CENPW: variants seen among roughly 807,000 people sequenced by gnomAD.
CENPW encodes the protein centromere protein W, also known as cancer-up-regulated gene 2 protein.
In CENPW, 3 loss-of-function variants were observed where a neutral mutation model predicts 11.1. That is an observed-to-expected ratio of 0.27 (90% CI 0.12 to 0.70). The LOEUF (loss-of-function observed/expected upper bound fraction) is 0.70, where lower values mean the gene tolerates loss of function less well. CENPW is among the 30% of genes least tolerant of loss of function. The pLI, the probability that CENPW is intolerant of heterozygous loss-of-function variation, is 0.77. For missense variants in CENPW, 100 were observed against 105.6 expected (o/e 0.95, Z 0.23); for synonymous variants, 38 against 42.0 (o/e 0.91, Z 0.37).
chr6:126,447,069 G>A, the CENPW span, among the ~76,000 whole-genome samples: 1 of 151,050 alleles, frequency 6.6e-6, no homozygotes, highest in Non-Finnish European at 1.5e-5. Context: ...TAGGGGGATG[G>A]GATGTGGAGT....
At chr6:126,420,547 C>A in the CENPW span, among the ~76,000 whole-genome samples, 1 of 152,084 alleles carries the variant, frequency 6.6e-6, no homozygotes, top group East Asian at 1.9e-4. Flanking sequence ...TGGCATGGCT[C>A]CCCAAGTTTA....
At chr6:126,467,590 T>C in the CENPW span, among the ~76,000 whole-genome samples, 1 of 152,016 alleles carries the variant, frequency 6.6e-6, no homozygotes, top group African/African-American at 2.4e-5. Flanking sequence ...ATAATGTAAA[T>C]GTAAATTAAA....
downstream of CENPW, among the ~76,000 whole-genome samples, chr6:126,353,426 T>G (rs982444741): frequency 1.3e-5 from 2 of 152,106 alleles, no homozygotes; most frequent in Admixed American, 6.6e-5. Context: ...TCTTCAGGCT[T>G]CTCTCATATT....
the CENPW span, among the ~76,000 whole-genome samples, chr6:126,372,168 G>A: frequency 1.3e-5 from 2 of 152,080 alleles, no homozygotes; most frequent in East Asian, 1.9e-4. Flanking sequence ...TCCTTGAGAT[G>A]TGACCTTAAA....
chr6:126,435,388 T>C, the CENPW span, among the ~76,000 whole-genome samples: 1 of 151,950 alleles, frequency 6.6e-6, no homozygotes, highest in Non-Finnish European at 1.5e-5. Context: ...TACTTTTTTC[T>C]ATTAAAAGGT....
the CENPW span, among the ~76,000 whole-genome samples, chr6:126,458,890 G>T: frequency 5.3e-5 from 8 of 151,332 alleles, no homozygotes; most frequent in Admixed American, 2.6e-4. Context: ...ATCCCTTTTG[G>T]TCTGTGTAGG....
the CENPW span, among the ~76,000 whole-genome samples, chr6:126,427,157 G>A: frequency 5.0e-4 from 76 of 152,266 alleles, no homozygotes; most frequent in Non-Finnish European, 9.7e-4. Flanking sequence ...CACCTTCCAA[G>A]TGGTTATGCC....
the CENPW span, among the ~76,000 whole-genome samples, chr6:126,436,276 A>C: frequency 6.6e-6 from 1 of 151,884 alleles, no homozygotes; most frequent in Non-Finnish European, 1.5e-5. Context: ...TGTAAAGCTG[A>C]GTAATCAAGG....
the CENPW span, among the ~76,000 whole-genome samples, chr6:126,406,141 T>C: frequency 1.3e-5 from 2 of 152,162 alleles, no homozygotes; most frequent in Non-Finnish European, 2.9e-5. Context: ...TATACATAAC[T>C]TGTTGAGTGT....
the CENPW span, among the ~76,000 whole-genome samples, chr6:126,405,517 T>A: frequency 6.6e-6 from 1 of 151,508 alleles, no homozygotes; most frequent in Non-Finnish European, 1.5e-5. Context: ...AATTTAAGGA[T>A]TTTTTTTTCT....
the CENPW span, among the ~76,000 whole-genome samples, chr6:126,399,833 A>T: frequency 9.2e-5 from 14 of 152,084 alleles, no homozygotes; most frequent in African/African-American, 3.4e-4. Flanking sequence ...CTTTCTAGTA[A>T]ATATCCCTTT....
chr6:126,406,018 C>A, the CENPW span, among the ~76,000 whole-genome samples: 2 of 152,038 alleles, frequency 1.3e-5, no homozygotes, highest in African/African-American at 2.4e-5. Context: ...AAGTGAGCAT[C>A]CTTGTCTGGT....
At chr6:126,340,531 A>G in intron 1 of CENPW, 132 bp downstream of exon 1, 1 of 1,305,768 alleles carries the variant, frequency 7.7e-7, no homozygotes, top group African/African-American at 1.5e-5. Flanking sequence ...AGTTCCAACA[A>G]TGACAGGGAA....
the CENPW span, among the ~76,000 whole-genome samples, chr6:126,397,936 C>T: frequency 6.6e-6 from 1 of 151,930 alleles, no homozygotes; most frequent in Non-Finnish European, 1.5e-5. Context: ...AGATGTATAC[C>T]TTCTGTGGAG....
chr6:126,401,028 C>T, the CENPW span, among the ~76,000 whole-genome samples: 1 of 152,066 alleles, frequency 6.6e-6, no homozygotes, highest in Non-Finnish European at 1.5e-5. Context: ...GTCTGGGTTA[C>T]ATCCAAGTCT....
chr6:126,357,364 A>T, the CENPW span, among the ~76,000 whole-genome samples: 49 of 152,098 alleles, frequency 3.2e-4, no homozygotes, highest in African/African-American at 1.1e-3. Flanking sequence ...ACGTGGTATG[A>T]TGCTTCCAGC....
chr6:126,466,359 A>G, the CENPW span, among the ~76,000 whole-genome samples: 1 of 152,132 alleles, frequency 6.6e-6, no homozygotes, highest in Non-Finnish European at 1.5e-5. Flanking sequence ...TTTAGTTGAT[A>G]AAAGTGTTTC....
chr6:126,360,311 TC>T, the CENPW span, among the ~76,000 whole-genome samples: 8 of 143,758 alleles, frequency 5.6e-5, no homozygotes, highest in Non-Finnish European at 9.6e-5. Context: ...TTGATGGGGT[TC>T]CTTTTGTATG....
At chr6:126,479,029 C>G in the CENPW span, among the ~76,000 whole-genome samples, 1 of 152,028 alleles carries the variant, frequency 6.6e-6, no homozygotes, top group Admixed American at 6.6e-5. Context: ...TGAGTCCCAG[C>G]CCTGCTACAC....
Sources: gnomAD v4.1 joint callset for allele counts (sites outside exome capture counted in the v4.1 genomes callset) on GRCh38, gnomAD v4.1.1 for gene constraint, MANE v1.5 for transcripts, NCBI Gene and HGNC (gene_info 2026-07-23, HGNC 2026-07-21) for gene names.